CAST: variants seen among roughly 807,000 people sequenced by gnomAD.
CAST encodes calpastatin.
A neutral mutation model predicts 119.6 loss-of-function variants in CAST; 76 were observed. That is an observed-to-expected ratio of 0.64 (90% confidence interval 0.53 to 0.77). CAST has a LOEUF of 0.77. CAST is among the 30% of genes least tolerant of loss of function. The pLI is 0.00. For missense variants in CAST, 953 were observed against 946.5 expected (o/e 1.01, Z -0.09); for synonymous variants, 319 against 331.6 (o/e 0.96, Z 0.41).
chr5:95,992,029 A>G, the CAST span, among the ~76,000 whole-genome samples: 573 of 152,348 alleles, frequency 3.8e-3, 4 homozygotes, highest in African/African-American at 0.013. Flanking sequence ...CAGATGAATT[A>G]GATCTCACTG....
upstream of CAST, among the ~76,000 whole-genome samples, chr5:96,521,414 G>A (rs368707775): frequency 3.3e-5 from 5 of 152,096 alleles, no homozygotes; most frequent in East Asian, 1.9e-4. Context: ...TCTTTCTCAC[G>A]TTCCCAAAGT....
intron 1 of CAST, among the ~76,000 whole-genome samples, chr5:96,663,418 C>T (rs556136681): frequency 7.9e-5 from 12 of 152,206 alleles, no homozygotes; most frequent in East Asian, 7.7e-4. Context: ...GCCCCGATGT[C>T]AAGCACTATG....
At chr5:96,224,754 G>A in the CAST span, among the ~76,000 whole-genome samples, 342 of 152,208 alleles carry the variant, frequency 2.2e-3, 3 homozygotes, top group African/African-American at 7.5e-3. Flanking sequence ...TGGCAGCCAC[G>A]GGATACTAAT....
chr5:96,363,566 G>T, the CAST span, among the ~76,000 whole-genome samples: 3 of 152,086 alleles, frequency 2.0e-5, no homozygotes, highest in African/African-American at 7.2e-5. Context: ...TTGTAAGTTG[G>T]ATTCCTAGGT....
At chr5:96,713,014 G>A (rs747439563) in intron 3 of CAST, among the ~76,000 whole-genome samples, 16 of 152,078 alleles carry the variant, frequency 1.1e-4, no homozygotes, top group Non-Finnish European at 1.6e-4. Flanking sequence ...TGCAGCGTAA[G>A]TGCACATAAA....
At chr5:96,578,795 T>C (rs1486193698) in intron 1 of CAST, among the ~76,000 whole-genome samples, 2 of 152,238 alleles carry the variant, frequency 1.3e-5, no homozygotes, top group Non-Finnish European at 2.9e-5. Flanking sequence ...TTGGACATTT[T>C]GTCTGTTTTT....
chr5:96,542,030 G>A (rs1026438841), intron 1 of CAST, among the ~76,000 whole-genome samples: 1 of 152,184 alleles, frequency 6.6e-6, no homozygotes, highest in African/African-American at 2.4e-5. Context: ...ATTTTTGGAG[G>A]CCGGACGCGG....
chr5:96,525,171 C>T (rs1019107043), upstream of CAST: 1 of 152,220 alleles, frequency 6.6e-6, no homozygotes, highest in Non-Finnish European at 1.5e-5. Flanking sequence ...GATGCTTTGT[C>T]AGATCATAAT....
At chr5:96,117,044 CTTT>C in the CAST span, among the ~76,000 whole-genome samples, 78 of 152,326 alleles carry the variant, frequency 5.1e-4, no homozygotes, top group Admixed American at 1.6e-3. Flanking sequence ...ACCCTGAAGC[CTTT>C]GTTAAGGATC....
chr5:96,350,861 A>G, the CAST span, among the ~76,000 whole-genome samples: 2 of 152,168 alleles, frequency 1.3e-5, no homozygotes, highest in Non-Finnish European at 1.5e-5. Flanking sequence ...TCATTGCACA[A>G]TCACAACTGG....
At chr5:95,973,653 A>T in the CAST span, among the ~76,000 whole-genome samples, 1 of 152,116 alleles carries the variant, frequency 6.6e-6, no homozygotes. Context: ...ATTTGTATGG[A>T]TGTATTTCTG....
At chr5:96,732,249 G>T (rs948105082) in intron 9 of CAST, among the ~76,000 whole-genome samples, 1 of 138,808 alleles carries the variant, frequency 7.2e-6, no homozygotes, top group African/African-American at 2.7e-5. Context: ...TTCTCTGATG[G>T]CCAGTGATGA....
intron 1 of CAST, among the ~76,000 whole-genome samples, chr5:96,624,869 G>A (rs1490585672): frequency 1.3e-5 from 2 of 152,140 alleles, no homozygotes; most frequent in African/African-American, 2.4e-5. Context: ...TTTGTGCAAG[G>A]ATTGTTACTA....
the CAST span, among the ~76,000 whole-genome samples, chr5:96,502,614 GTCTTTCTTTCTTTCTTTCTTTCTT>G: frequency 5.6e-5 from 8 of 143,274 alleles, no homozygotes; most frequent in South Asian, 2.3e-4. Flanking sequence ...AAGTTACCTA[GTCTTTCTTTCTTTCTTTCTTTCTT>G]TCTTTCTTTC....
chr5:96,621,626 G>A (rs368003142), intron 1 of CAST, among the ~76,000 whole-genome samples: 13 of 152,266 alleles, frequency 8.5e-5, no homozygotes, highest in Admixed American at 6.5e-4. Context: ...AACTGCTCCC[G>A]TGAGCCAATC....
chr5:96,570,567 C>T (rs973132407), intron 1 of CAST, among the ~76,000 whole-genome samples: 17 of 152,108 alleles, frequency 1.1e-4, no homozygotes, highest in African/African-American at 3.9e-4. Flanking sequence ...AGAAAAGAGA[C>T]ATTTGAGCGG....
chr5:96,765,384 T>G, intron 26 of CAST, 59 bp downstream of exon 26: 1 of 809,184 alleles, frequency 1.2e-6, no homozygotes, highest in Non-Finnish European at 2.0e-6. Context: ...AATCCTTGGG[T>G]CTTGACTCTG....
the CAST span, among the ~76,000 whole-genome samples, chr5:96,227,810 C>T: frequency 6.6e-6 from 1 of 152,114 alleles, no homozygotes; most frequent in Admixed American, 6.5e-5. Flanking sequence ...CCTCGTGTGT[C>T]TTCCTTTGCA....
At chr5:96,458,370 T>C in the CAST span, among the ~76,000 whole-genome samples, 2 of 152,286 alleles carry the variant, frequency 1.3e-5, no homozygotes, top group African/African-American at 4.8e-5. Context: ...ACTATCTGGC[T>C]CTTTACAGAA....
Sources: allele counts gnomAD v4.1 joint callset (sites outside exome capture counted in the v4.1 genomes callset), GRCh38; gene constraint gnomAD v4.1.1; transcripts MANE v1.5; gene names NCBI Gene and HGNC (gene_info 2026-07-23, HGNC 2026-07-21).